The following RFTN1 variants were observed in gnomAD, a reference collection of about 807,000 sequenced individuals.
The protein encoded by RFTN1 is raftlin, lipid raft linker 1.
In RFTN1, 26 loss-of-function variants were observed where a neutral mutation model predicts 46.5. The observed-to-expected ratio is 0.56, with a 90% CI of 0.41 to 0.78. RFTN1 has a LOEUF of 0.78. Among genes scored for constraint, RFTN1 ranks in the 30% least tolerant of loss-of-function variants. The probability of loss-of-function intolerance (pLI) is 0.00; values close to 1 mark genes in which losing one functional copy is unlikely to be tolerated. For missense variants in RFTN1, 693 were observed against 718.7 expected (o/e 0.96, Z 0.41); for synonymous variants, 261 against 284.2 (o/e 0.92, Z 0.82).
chr3:16,390,533 C>A (rs927738375), intron 4 of RFTN1, among the ~76,000 whole-genome samples: 2 of 152,186 alleles, frequency 1.3e-5, no homozygotes, highest in African/African-American at 4.8e-5. Flanking sequence ...GTTTAGCAAA[C>A]CTGTATGCAA....
rs569206149 is a variant in RFTN1, at chr3:16,448,735, G to A, written c.146-14698C>T. Among the ~76,000 whole-genome samples the A allele has an allele frequency of 3.3e-5, 5 of 152,170 alleles. No individual in the cohort carries two copies. The highest frequency in any genetic ancestry group is 2.1e-4 in the South Asian group (1 of 4,812). ...ACCTCTCAGGAGCCACTGCGTTCCC[G>A]ACCTTCTTCTGCCCCATTGGCAGGC... On this transcript the variant is annotated intron_variant, in intron 2 of 9. Transcript: ENST00000334133. This position sits in a 1 kb window ranked among gnomAD's most constrained non-coding sequence, Gnocchi z 4.1.
At chr3:16,319,350 T>A (rs1050585704) in intron 9 of RFTN1, among the ~76,000 whole-genome samples, 6 of 152,222 alleles carry the variant, frequency 3.9e-5, no homozygotes, top group African/African-American at 1.4e-4. Flanking sequence ...CAAAGCATTA[T>A]AGTATGGGTT....
chr3:16,456,036 A>C (rs1316225972), intron 2 of RFTN1, among the ~76,000 whole-genome samples: 1 of 139,096 alleles, frequency 7.2e-6, no homozygotes, highest in Non-Finnish European at 1.5e-5. Context: ...TCCACTTACT[A>C]TTCTGTGATC....
chr3:16,324,844 G>A (rs756572365), intron 8 of RFTN1, among the ~76,000 whole-genome samples: 1 of 152,068 alleles, frequency 6.6e-6, no homozygotes, highest in Non-Finnish European at 1.5e-5. Context: ...ATACCTAGAA[G>A]TGGGTTTGCT....
At chr3:16,415,430 T>TATACACACACACACACACACACACACAC in intron 3 of RFTN1, among the ~76,000 whole-genome samples, 1 of 114,270 alleles carries the variant, frequency 8.8e-6, no homozygotes, top group Admixed American at 9.9e-5. Flanking sequence ...TATATATATA[T>TATACACACACACACACACACACACACAC]ACACACACAC....
chr3:16,316,879 C>T lies in RFTN1; in HGVS notation c.1686G>A (p.Arg562=), dbSNP rs767123258. 5.6e-5 allele frequency: 91 copies of T among 1,614,088 alleles called. No homozygotes were observed. The highest frequency in any genetic ancestry group is 7.5e-5 in the Non-Finnish European group (88 of 1,180,044). ...TGHSNPGEDA[R]DGDAEEVREL... is the part of the protein sequence containing the mutation. ...CTCTGACTTCCTCAGCATCCCCGTC[C>T]CTGGCATCCTCTCCAGGATTGGAGT... is the stretch of plus-strand genomic sequence containing the variant. Residue 562 remains arginine (R), a synonymous_variant, in exon 10 of 10, where the codon AGG becomes AGA. Transcript: ENST00000334133. This position sits in a 1 kb window ranked among gnomAD's most constrained non-coding sequence, Gnocchi z 4.5.
chr3:16,460,207 C>T lies in RFTN1; in HGVS notation c.146-26170G>A, dbSNP rs991926655. On this transcript the variant is annotated intron_variant, in intron 2 of 9. Coordinates refer to ENST00000334133, the MANE Select transcript of RFTN1 (RefSeq NM_015150.2). This position sits in a 1 kb window ranked among gnomAD's most constrained non-coding sequence, Gnocchi z 4.8. ...AGTGTCTCAATTTCTCTTTTTCCAC[C>T]GTGATTTTTATCTATTGTGTTATTT... 1.1e-4 allele frequency among the ~76,000 whole-genome samples: 17 copies of T among 152,154 alleles called. No homozygotes were observed. Among genetic ancestry groups the T allele is most frequent in the East Asian group, 3.9e-4 (2 of 5,182 alleles).
In RFTN1 at chr3:16,337,539, C is replaced by T. The variant is rs1020920256; in HGVS notation, c.1147-10663G>A. 9.2e-5 allele frequency among the ~76,000 whole-genome samples: 14 copies of T among 151,844 alleles called. No individual in the cohort carries two copies. Among genetic ancestry groups the T allele is most frequent in the African/African-American group, 2.4e-4 (10 of 41,400 alleles). ...TGGGTGGATCATGAGGTCAGGAGAT[C>T]GAGACCACCCTGGCCAACATGGTGA... On this transcript the variant is annotated intron_variant, in intron 7 of 9. Transcript: ENST00000334133. This position sits in a 1 kb window ranked among gnomAD's most constrained non-coding sequence, Gnocchi z 5.0.
intron 7 of RFTN1, among the ~76,000 whole-genome samples, chr3:16,355,439 C>T (rs2072373062): frequency 6.6e-6 from 1 of 152,240 alleles, no homozygotes; most frequent in Admixed American, 6.5e-5. Context: ...AGGCCCATTC[C>T]TCATAGATGG....
intron 7 of RFTN1, chr3:16,347,690 G>T (rs2071825220): frequency 6.6e-6 from 1 of 152,200 alleles, no homozygotes; most frequent in African/African-American, 2.4e-5. Context: ...GGGGAACTAG[G>T]GAATTGAGGG....
At chr3:16,501,006 G>C (rs368196260) in intron 1 of RFTN1, among the ~76,000 whole-genome samples, 2 of 152,198 alleles carry the variant, frequency 1.3e-5, no homozygotes, top group African/African-American at 4.8e-5. Context: ...GTGTGGTGCT[G>C]TGTACCTGTC....
At chr3:16,362,751 G>C (rs2072912172) in intron 6 of RFTN1, among the ~76,000 whole-genome samples, 1 of 152,172 alleles carries the variant, frequency 6.6e-6, no homozygotes, top group Non-Finnish European at 1.5e-5. Flanking sequence ...TGTGCTTTCA[G>C]TACTTAAGTG....
chr3:16,444,703 T>C (rs149454523), intron 2 of RFTN1, among the ~76,000 whole-genome samples: 1,582 of 152,330 alleles, frequency 0.01, 21 homozygotes, highest in Non-Finnish European at 0.015. Flanking sequence ...CAATAAACAA[T>C]GTGGGATGAA....
At chr3:16,333,523 AAAG>A (rs1386814092) in intron 7 of RFTN1, among the ~76,000 whole-genome samples, 3 of 152,206 alleles carry the variant, frequency 2.0e-5, no homozygotes, top group Non-Finnish European at 4.4e-5. Flanking sequence ...ATTTTTCAGA[AAAG>A]AAATAGATGC....
In RFTN1 at chr3:16,402,793, C is replaced by T. The variant is rs778791766; in HGVS notation, c.441+6582G>A. 2.6e-5 allele frequency among the ~76,000 whole-genome samples: 4 copies of T among 152,120 alleles called. No homozygotes were observed. Among genetic ancestry groups the T allele is most frequent in the Admixed American group, 6.5e-5 (1 of 15,276 alleles). On this transcript the variant is annotated intron_variant, in intron 4 of 9. Transcript: ENST00000334133. This position sits in a 1 kb window ranked among gnomAD's most constrained non-coding sequence, Gnocchi z 4.5. ...TCGGTTTTCTGAAGGACAATGTACTCGGTTTAATCCAGGACAGTACACTCA... is the reference window on the plus strand; with the variant it reads ...TCGGTTTTCTGAAGGACAATGTACTTGGTTTAATCCAGGACAGTACACTCA...
At position 16,426,692 on chromosome 3, in the gene RFTN1, T is replaced by TGC. The variant is rs2075296358; in HGVS notation, c.332+7158_332+7159insGC. 4.6e-5 allele frequency among the ~76,000 whole-genome samples: 7 copies of TGC among 152,020 alleles called. No homozygotes were observed. In the South Asian group the frequency reaches 1.5e-3, roughly 32 times the overall value. ...GTGTGTGTGTGTGTGTGTGTGTGTG[T>TGC]GTGTGTCTGTTCCATTACTTGAGGT... On this transcript the variant is annotated intron_variant, in intron 3 of 9. Coordinates refer to ENST00000334133, the MANE Select transcript of RFTN1 (RefSeq NM_015150.2). The surrounding 1 kb of genome is among the most constrained non-coding windows in gnomAD (Gnocchi z 5.9).
intron 1 of RFTN1, among the ~76,000 whole-genome samples, chr3:16,505,510 T>TG (rs916335053): frequency 1.3e-5 from 2 of 152,098 alleles, no homozygotes; most frequent in African/African-American, 2.4e-5. Flanking sequence ...CTCATGAAAT[T>TG]GGGGGGCTGA....
intron 9 of RFTN1, among the ~76,000 whole-genome samples, chr3:16,318,685 T>C (rs189592613): frequency 6.6e-6 from 1 of 152,318 alleles, no homozygotes; most frequent in East Asian, 1.9e-4. Flanking sequence ...GAAACATGAG[T>C]GAAATACATG....
At chr3:16,436,315 C>T (rs929871279) in intron 2 of RFTN1, among the ~76,000 whole-genome samples, 5 of 151,044 alleles carry the variant, frequency 3.3e-5, no homozygotes, top group Non-Finnish European at 7.4e-5. Flanking sequence ...TTGTTGCTTG[C>T]CTTTTGACTT....
Sources: allele counts gnomAD v4.1 joint callset (sites outside exome capture counted in the v4.1 genomes callset), GRCh38; gene constraint gnomAD v4.1.1; non-coding constraint Gnocchi (gnomAD v3.1); transcripts MANE v1.5; gene names NCBI Gene and HGNC (gene_info 2026-07-23, HGNC 2026-07-21).